Variants in RGS5 observed in about 807,000 individuals in gnomAD.
RGS5 encodes regulator of G-protein signalling 5.
A neutral mutation model predicts 18.9 loss-of-function variants in RGS5; 20 were observed. The observed-to-expected ratio is 1.06, with a 90% CI of 0.74 to 1.54. RGS5 has a LOEUF of 1.54. Among genes scored for constraint, RGS5 ranks in the 40% most tolerant of loss-of-function variants. The pLI, the probability that RGS5 is intolerant of heterozygous loss-of-function variation, is 0.00. For missense variants in RGS5, 201 were observed against 211.8 expected, an observed-to-expected ratio of 0.95 and a Z score of 0.32; for synonymous variants, 57 against 76.2, an observed-to-expected ratio of 0.75 and a Z score of 1.31.
At chr1:163,215,865 G>A (rs1660204667) in intron 1 of RGS5, among the ~76,000 whole-genome samples, 1 of 151,838 alleles carries the variant, frequency 6.6e-6, no homozygotes, top group Admixed American at 6.6e-5. Flanking sequence ...AGAAGTTTGA[G>A]AACAGCCTGG....
chr1:163,252,092 G>A (rs918685566), intron 2 of RGS5, among the ~76,000 whole-genome samples: 2 of 152,090 alleles, frequency 1.3e-5, no homozygotes, highest in Non-Finnish European at 1.5e-5. Context: ...TTATTTTCCA[G>A]AGTAGCTGTA....
intron 2 of RGS5, among the ~76,000 whole-genome samples, chr1:163,255,095 T>C (rs1648234804): frequency 6.6e-6 from 1 of 152,234 alleles, no homozygotes; most frequent in South Asian, 2.1e-4. Flanking sequence ...GCCTCCAGCT[T>C]TGTTCTTTTA....
intron 1 of RGS5, among the ~76,000 whole-genome samples, chr1:163,192,685 T>C (rs1453728140): frequency 1.1e-4 from 17 of 152,148 alleles, no homozygotes. Context: ...CACATGCATG[T>C]GTGTGTTCAA....
chr1:163,147,250 G>T lies in RGS5; in HGVS notation c.*92C>A. On this transcript the variant is annotated 3_prime_UTR_variant, in exon 5 of 5. Transcript: ENST00000313961. ...TCCCATGTGGGTATCACTGAGCAAA[G>T]CTGCTGTGGGAAGATATGTAGATTA... The T allele has an allele frequency of 2.2e-6, 3 of 1,364,094 alleles. No homozygotes were observed. The highest frequency in any genetic ancestry group is 2.9e-6 in the Non-Finnish European group (3 of 1,017,932). 84.5% of individuals were successfully genotyped at this position (1,364,094 alleles called of 1,614,324 possible).
In RGS5 at chr1:163,146,239, A is replaced by AC. The variant is rs1227552545; in HGVS notation, c.*1102dup. 2.1e-5 allele frequency: 3 copies of AC among 141,924 alleles called. No individual in the cohort carries two copies. Among genetic ancestry groups the AC allele is most frequent in the East Asian group, 4.1e-4 (2 of 4,874 alleles). The allele number at this position is 141,924 out of a possible 1,614,324, so 8.8% of individuals were successfully genotyped here. On this transcript the variant is annotated 3_prime_UTR_variant, in exon 5 of 5. Transcript: ENST00000313961. Reference sequence around the variant, plus strand: ...GGAATACTGGGGTTGCTAAAAGATTACTTTTTTTTTTTTTTTTTGCAAAAT... The same window carrying AC: ...GGAATACTGGGGTTGCTAAAAGATTACCTTTTTTTTTTTTTTTTTGCAAAAT...
chr1:163,300,234 T>G (rs995787733), intron 2 of RGS5, among the ~76,000 whole-genome samples: 1 of 152,230 alleles, frequency 6.6e-6, no homozygotes, highest in Non-Finnish European at 1.5e-5. Context: ...AGTGGTCTTG[T>G]GATTCTCACC....
intron 1 of RGS5, among the ~76,000 whole-genome samples, chr1:163,169,844 C>G (rs952218370): frequency 6.6e-6 from 1 of 152,132 alleles, no homozygotes; most frequent in Admixed American, 6.5e-5. Context: ...CCATTGTTCT[C>G]TATGGCTGTC....
intron 2 of RGS5, among the ~76,000 whole-genome samples, chr1:163,282,190 C>T (rs945255379): frequency 1.3e-5 from 2 of 152,064 alleles, no homozygotes; most frequent in Admixed American, 1.3e-4. Context: ...ATTCATTTGA[C>T]AAGCGACTAT....
chr1:163,176,335 G>A (rs1379779847), intron 1 of RGS5, among the ~76,000 whole-genome samples: 1 of 152,200 alleles, frequency 6.6e-6, no homozygotes, highest in Non-Finnish European at 1.5e-5. Flanking sequence ...AGAAAAGCCT[G>A]TGCAGGCCGG....
intron 2 of RGS5, among the ~76,000 whole-genome samples, chr1:163,292,879 G>A (rs1649326139): frequency 6.6e-6 from 1 of 152,044 alleles, no homozygotes; most frequent in Non-Finnish European, 1.5e-5. Flanking sequence ...TGGTTTTCTG[G>A]TAAATTTGTT....
chr1:163,147,924 T>TTTCTTTTTTTTTTC (rs796509175), intron 4 of RGS5, among the ~76,000 whole-genome samples: 1 of 134,390 alleles, frequency 7.4e-6, no homozygotes, highest in African/African-American at 2.9e-5. Flanking sequence ...TTTTCTTTTT[T>TTTCTTTTTTTTTTC]TTTTTTTTTT....
intron 1 of RGS5, among the ~76,000 whole-genome samples, chr1:163,170,909 T>C (rs1295522647): frequency 6.6e-6 from 1 of 152,204 alleles, no homozygotes; most frequent in Admixed American, 6.5e-5. Flanking sequence ...ACTTAAATTA[T>C]CTAATGTTTA....
At chr1:163,248,649 G>A (rs6664060) in intron 2 of RGS5, 30,057 of 151,828 alleles carry the variant, frequency 0.2, 3,393 homozygotes, top group Non-Finnish European at 0.25. Flanking sequence ...ATTTCCATCC[G>A]CACTGGTGCT....
intron 1 of RGS5, among the ~76,000 whole-genome samples, chr1:163,192,760 C>G (rs1335353443): frequency 2.0e-5 from 3 of 152,198 alleles, no homozygotes; most frequent in Non-Finnish European, 4.4e-5. Context: ...AGTCTGTCAT[C>G]CAGCAAGCAT....
intron 2 of RGS5, among the ~76,000 whole-genome samples, chr1:163,228,569 C>A (rs2101682886): frequency 6.6e-6 from 1 of 152,326 alleles, no homozygotes; most frequent in East Asian, 1.9e-4. Context: ...CTCTGACACA[C>A]CCTGGACACC....
At chr1:163,231,265 A>C (rs1362442700) in intron 2 of RGS5, among the ~76,000 whole-genome samples, 2 of 152,244 alleles carry the variant, frequency 1.3e-5, no homozygotes, top group Non-Finnish European at 2.9e-5. Flanking sequence ...GCATTTGCAC[A>C]CATTTATGTA....
chr1:163,271,986 A>T (rs770037915), intron 2 of RGS5, among the ~76,000 whole-genome samples: 4 of 150,742 alleles, frequency 2.7e-5, no homozygotes, highest in Non-Finnish European at 5.9e-5. Context: ...TTATTTTCCT[A>T]CCTTCCTTCC....
chr1:163,168,659 C>T (rs916587096), intron 1 of RGS5, among the ~76,000 whole-genome samples: 2 of 151,966 alleles, frequency 1.3e-5, no homozygotes, highest in African/African-American at 4.8e-5. Context: ...GTACTATTTC[C>T]ATTTTGCAGA....
chr1:163,206,258 G>C (rs1196139038), upstream of RGS5, among the ~76,000 whole-genome samples: 2 of 151,174 alleles, frequency 1.3e-5, no homozygotes, highest in Admixed American at 6.6e-5. Context: ...CCAGCTTCCA[G>C]GGCTGTGAGA....
Sources: gnomAD v4.1 joint callset for allele counts (sites outside exome capture counted in the v4.1 genomes callset) on GRCh38, gnomAD v4.1.1 for gene constraint, MANE v1.5 for transcripts, NCBI Gene and HGNC (gene_info 2026-07-23, HGNC 2026-07-21) for gene names.